Variants in DLGAP2 observed in about 807,000 individuals in gnomAD.
The protein encoded by DLGAP2 is DLG associated protein 2.
In DLGAP2, 26 loss-of-function variants were observed where a neutral mutation model predicts 100.3. The ratio of observed to expected loss-of-function variants is 0.26; its 90% confidence interval spans 0.19 to 0.36. The LOEUF is 0.36. DLGAP2 is among the 10% of genes least tolerant of loss of function. The pLI is 1.00. For synonymous variants in DLGAP2, 886 were observed against 630.1 expected (o/e 1.41, Z -6.08); for missense variants, 1,858 against 1,453.2 (o/e 1.28, Z -4.53).
intron 2 of DLGAP2, among the ~76,000 whole-genome samples, chr8:1,133,309 A>G (rs1796336690): frequency 6.6e-6 from 1 of 152,152 alleles, no homozygotes; most frequent in African/African-American, 2.4e-5. Context: ...GTTCATTTCA[A>G]CCTCTCTGCA....
At chr8:1,683,187 G>A (rs1799002804) in intron 12 of DLGAP2, among the ~76,000 whole-genome samples, 1 of 151,638 alleles carries the variant, frequency 6.6e-6, no homozygotes, top group African/African-American at 2.4e-5. Context: ...AAAACTCAGA[G>A]GTCTCAGCAA....
intron 6 of DLGAP2, among the ~76,000 whole-genome samples, chr8:1,595,434 C>T (rs570049754): frequency 5.3e-5 from 8 of 151,670 alleles, no homozygotes; most frequent in South Asian, 4.2e-4. Context: ...GAGGCCGAGG[C>T]GGGTGGATCA....
intron 1 of DLGAP2, among the ~76,000 whole-genome samples, chr8:863,449 C>T (rs1359759477): frequency 6.6e-6 from 1 of 152,170 alleles, no homozygotes; most frequent in Non-Finnish European, 1.5e-5. Flanking sequence ...GATACAGCAC[C>T]TTGTTGTGTT....
chr8:750,179 C>T (rs908490486), intron 1 of DLGAP2, among the ~76,000 whole-genome samples: 1 of 152,248 alleles, frequency 6.6e-6, no homozygotes, highest in African/African-American at 2.4e-5. Flanking sequence ...GGCGAACGTT[C>T]CTGAGTCTGG....
chr8:1,539,424 T>A (rs1377904618), intron 4 of DLGAP2, among the ~76,000 whole-genome samples: 1 of 152,062 alleles, frequency 6.6e-6, no homozygotes, highest in Non-Finnish European at 1.5e-5. Context: ...ACTGTTCCTA[T>A]GATGGACGGC....
intron 4 of DLGAP2, among the ~76,000 whole-genome samples, chr8:1,518,070 G>A (rs1381598367): frequency 1.3e-5 from 2 of 152,188 alleles, no homozygotes; most frequent in Non-Finnish European, 1.5e-5. Context: ...GGCTGCTGCC[G>A]GATGATGGAG....
intron 2 of DLGAP2, among the ~76,000 whole-genome samples, chr8:937,557 G>C (rs560216905): frequency 1.3e-5 from 2 of 152,170 alleles, no homozygotes; most frequent in Non-Finnish European, 2.9e-5. Flanking sequence ...GCATTTATCA[G>C]AGAGAGAGCA....
intron 5 of DLGAP2, among the ~76,000 whole-genome samples, chr8:1,550,061 C>CT (rs1434711407): frequency 6.6e-6 from 1 of 152,216 alleles, no homozygotes; most frequent in African/African-American, 2.4e-5. Flanking sequence ...CACGGTTCCA[C>CT]TCTCTGCTCC....
intron 6 of DLGAP2, among the ~76,000 whole-genome samples, chr8:1,625,659 C>T (rs1797471960): frequency 6.6e-6 from 1 of 152,164 alleles, no homozygotes; most frequent in South Asian, 2.1e-4. Flanking sequence ...TTATGAGACT[C>T]TCAGTTTTTT....
intron 3 of DLGAP2, among the ~76,000 whole-genome samples, chr8:1,336,465 C>T (rs1801276236): frequency 6.6e-6 from 1 of 152,216 alleles, no homozygotes; most frequent in South Asian, 2.1e-4. Context: ...CTCGTCTTTA[C>T]AGACGTCCGT....
chr8:783,174 A>T (rs1312514119), intron 1 of DLGAP2, among the ~76,000 whole-genome samples: 1 of 152,252 alleles, frequency 6.6e-6, no homozygotes, highest in Non-Finnish European at 1.5e-5. Flanking sequence ...GAAGTATCCC[A>T]GATATTAATA....
intron 2 of DLGAP2, among the ~76,000 whole-genome samples, chr8:913,409 G>A (rs1315115465): frequency 2.0e-5 from 3 of 152,224 alleles, no homozygotes; most frequent in African/African-American, 7.2e-5. Flanking sequence ...TCTCCTACGG[G>A]CCTGTCTCAA....
At chr8:1,424,883 T>C (rs972234558) in intron 3 of DLGAP2, among the ~76,000 whole-genome samples, 1 of 151,998 alleles carries the variant, frequency 6.6e-6, no homozygotes, top group Non-Finnish European at 1.5e-5. Context: ...GGAGGGAGAA[T>C]GAGGAGGGCT....
At chr8:1,626,381 TGG>T in intron 6 of DLGAP2, among the ~76,000 whole-genome samples, 1 of 116,628 alleles carries the variant, frequency 8.6e-6, no homozygotes, top group African/African-American at 3.6e-5. Context: ...CCTCTGGGTG[TGG>T]GTTGGACGGC....
chr8:743,422 G>A (rs1320718687), intron 1 of DLGAP2, among the ~76,000 whole-genome samples: 1 of 152,078 alleles, frequency 6.6e-6, no homozygotes, highest in Non-Finnish European at 1.5e-5. Context: ...ATATTCAGGG[G>A]CTGGGGTTGT....
intron 2 of DLGAP2, among the ~76,000 whole-genome samples, chr8:1,243,371 A>T (rs1798839112): frequency 1.3e-5 from 2 of 152,044 alleles, no homozygotes; most frequent in African/African-American, 4.8e-5. Flanking sequence ...TACACCTACA[A>T]ACCCAGACAC....
chr8:1,458,752 C>T (rs1257496992), intron 3 of DLGAP2, among the ~76,000 whole-genome samples: 2 of 152,196 alleles, frequency 1.3e-5, no homozygotes, highest in Non-Finnish European at 2.9e-5. Context: ...TAGGATGTGT[C>T]GGCTTTGAGA....
At chr8:1,611,117 G>A (rs953773310) in intron 6 of DLGAP2, among the ~76,000 whole-genome samples, 225 of 142,520 alleles carry the variant, frequency 1.6e-3, no homozygotes, top group African/African-American at 6.1e-3. Flanking sequence ...TATCCTTGAT[G>A]AACATCGATG....
At chr8:1,414,966 G>A (rs1453954183) in intron 3 of DLGAP2, among the ~76,000 whole-genome samples, 1 of 152,030 alleles carries the variant, frequency 6.6e-6, no homozygotes, top group African/African-American at 2.4e-5. Context: ...CTGAGGTCAT[G>A]CCCCTGCACT....
Sources: gnomAD v4.1 joint callset for allele counts (sites outside exome capture counted in the v4.1 genomes callset) on GRCh38, gnomAD v4.1.1 for gene constraint, MANE v1.5 for transcripts, NCBI Gene and HGNC (gene_info 2026-07-23, HGNC 2026-07-21) for gene names.